Variants in SLC25A40 observed in about 807,000 individuals in gnomAD.
The protein encoded by SLC25A40 is mitochondrial glutathione transporter SLC25A40.
SLC25A40 carries 41 observed loss-of-function variants against 46.5 expected under a neutral mutation model. The observed-to-expected ratio is 0.88, with a 90% confidence interval of 0.69 to 1.14. The LOEUF (loss-of-function observed/expected upper bound fraction) is 1.14. Ranked by LOEUF, SLC25A40 falls within the 50% of genes most tolerant of loss-of-function variation. The probability of loss-of-function intolerance (pLI) is 0.00; values close to 1 mark genes in which losing one functional copy is unlikely to be tolerated. For synonymous variants in SLC25A40, 126 were observed against 127.5 expected, an observed-to-expected ratio of 0.99 and a Z score of 0.08; for missense variants, 386 against 393.6, an observed-to-expected ratio of 0.98 and a Z score of 0.16.
rs1460264323 is a variant in SLC25A40, at chr7:87,872,553, A to G, written c.-94+3543T>C. On this transcript the variant is annotated intron_variant, in intron 1 of 11. Coordinates refer to ENST00000341119, the MANE Select transcript of SLC25A40 (RefSeq NM_018843.4). The stretch of plus-strand genomic sequence containing the variant: ...CTGAAAGGCTTGAGCAAGCCTTTCA[A>G]TCCTTTTCAATGAAAGGGAAATTCC... Among the ~76,000 whole-genome samples the G allele has an allele frequency of 2.0e-5, 3 of 152,226 alleles. No individual in the cohort carries two copies. In the East Asian group the frequency reaches 5.8e-4, roughly 29 times the overall value.
At chr7:87,873,303 T>C (rs980930472) in intron 1 of SLC25A40, among the ~76,000 whole-genome samples, 2 of 152,154 alleles carry the variant, frequency 1.3e-5, no homozygotes, top group African/African-American at 4.8e-5. Context: ...AAAATTTATA[T>C]TTGGGTATGT....
chr7:87,838,866 A>G (rs1364237560), intron 10 of SLC25A40, among the ~76,000 whole-genome samples: 1 of 151,656 alleles, frequency 6.6e-6, no homozygotes, highest in Non-Finnish European at 1.5e-5. Context: ...TAGGTTGGTA[A>G]GTGTAGCTAT....
At chr7:87,848,874 A>T (rs1331100503) in intron 6 of SLC25A40, among the ~76,000 whole-genome samples, 2 of 152,174 alleles carry the variant, frequency 1.3e-5, no homozygotes, top group Non-Finnish European at 2.9e-5. Context: ...AGCAGGACTG[A>T]CTGGTGGGGT....
intron 3 of SLC25A40, among the ~76,000 whole-genome samples, chr7:87,856,941 AATG>A (rs1217135080): frequency 9.9e-5 from 15 of 152,000 alleles, no homozygotes; most frequent in East Asian, 3.8e-4. Flanking sequence ...TCATCTTGAG[AATG>A]ATGATAATTA....
At chr7:87,841,881 T>A in intron 9 of SLC25A40, 167 bp from the exon 10 acceptor site, 1 of 354,576 alleles carries the variant, frequency 2.8e-6, no homozygotes, top group Non-Finnish European at 5.0e-6. Flanking sequence ...CAAATAGATA[T>A]GTATTTCTCA....
intron 10 of SLC25A40, among the ~76,000 whole-genome samples, chr7:87,837,622 A>G (rs559343752): frequency 1.3e-5 from 2 of 151,594 alleles, no homozygotes; most frequent in East Asian, 3.9e-4. Context: ...AAGCTTATGA[A>G]TATAATGTTT....
In SLC25A40 at chr7:87,876,183, G is replaced by A. The variant is rs1028407842; in HGVS notation, c.-181C>T. ...TGGTGACGGGCGGGGCCGGGCTCCG[G>A]CGCTAACTGCATCCACTAGGTTTGG... On this transcript the variant is annotated 5_prime_UTR_variant, in exon 1 of 12. Coordinates refer to ENST00000341119, the MANE Select transcript of SLC25A40 (RefSeq NM_018843.4). The A allele has an allele frequency of 1.3e-5, 2 of 153,046 alleles. No homozygotes were observed. The highest frequency in any genetic ancestry group is 4.8e-5 in the African/African-American group (2 of 41,508). 9.5% of individuals were successfully genotyped at this position (153,046 alleles called of 1,614,324 possible). A position where few individuals can be genotyped will look rare whatever the true frequency, so the allele number is the denominator to read the frequency against.
At chr7:87,839,191 G>A (rs1330866509) in intron 10 of SLC25A40, among the ~76,000 whole-genome samples, 2 of 151,400 alleles carry the variant, frequency 1.3e-5, no homozygotes, top group East Asian at 3.9e-4. Context: ...TATATAAAAT[G>A]TTCTCTCACT....
intron 1 of SLC25A40, among the ~76,000 whole-genome samples, chr7:87,862,820 G>C (rs1167593837): frequency 1.3e-5 from 2 of 152,182 alleles, no homozygotes; most frequent in Non-Finnish European, 2.9e-5. Context: ...CATGGCAGCA[G>C]AGAAGAGAAC....
At position 87,843,828 on chromosome 7, in the gene SLC25A40, A is replaced by T. The variant is rs140104130; in HGVS notation, c.667T>A (p.Trp223Arg). Reference sequence around the variant, plus strand: ...TATAAACCAGATTTCTCACATAACCACTTCTTTAAAATTTCATAGTTATAC... The same window carrying T: ...TATAAACCAGATTTCTCACATAACCTCTTCTTTAAAATTTCATAGTTATAC... ...YWYNYEILKK[W>R]LCEKSGLYEP... Residue 223 changes from tryptophan to arginine, a missense_variant, in exon 9 of 12, where the codon TGG becomes AGG. Trp to Arg is a moderately radical substitution (Grantham distance 101). Transcript: ENST00000341119. The T allele has an allele frequency of 8.2e-5, 132 of 1,610,030 alleles. No homozygotes were observed. Among genetic ancestry groups the T allele is most frequent in the Middle Eastern group, 5.0e-4 (3 of 6,040 alleles).
chr7:87,843,725 G>C (rs973280890), intron 9 of SLC25A40, 29 bp downstream of exon 9: 1 of 1,492,478 alleles, frequency 6.7e-7, no homozygotes, highest in Non-Finnish European at 9.3e-7. Flanking sequence ...TATTCTTCTG[G>C]AATATTAACA....
Position 87,836,188 on chromosome 7 carries a change from C to A in SLC25A40, c.*61G>T. The stretch of plus-strand genomic sequence containing the variant: ...TGAGAGAATAATGGTGAAAAACATT[C>A]TTGCCTAAGAGTCTCCATCTTCTTT... On this transcript the variant is annotated 3_prime_UTR_variant, in exon 12 of 12. Coordinates refer to ENST00000341119, the MANE Select transcript of SLC25A40 (RefSeq NM_018843.4). 1 of 961,178 alleles carries A rather than the reference C, an allele frequency of 1.0e-6. No homozygotes were observed. Among genetic ancestry groups the A allele is most frequent in the South Asian group, 1.6e-5 (1 of 62,320 alleles). The allele number at this position is 961,178 out of a possible 1,614,324, so 59.5% of individuals were successfully genotyped here.
rs771892147 is a variant in SLC25A40, at chr7:87,833,943, A to T, written c.*2306T>A. ...CCTAGAAAAAAAAATATTGCCTTTT[A>T]AAAAAAATCAAATATGTACTACTTT... On this transcript the variant is annotated 3_prime_UTR_variant, in exon 12 of 12. Coordinates refer to ENST00000341119, the MANE Select transcript of SLC25A40 (RefSeq NM_018843.4). 8 of 151,782 alleles carry T rather than the reference A, an allele frequency of 5.3e-5. No homozygotes were observed. Among genetic ancestry groups the T allele is most frequent in the South Asian group, 2.1e-4 (1 of 4,822 alleles). The allele number at this position is 151,782 out of a possible 1,614,324, so 9.4% of individuals were successfully genotyped here.
In SLC25A40 at chr7:87,834,338, AATT is replaced by A. The variant is rs1838231128; in HGVS notation, c.*1908_*1910del. The A allele has an allele frequency of 1.3e-5, 2 of 151,716 alleles. No homozygotes were observed. The highest frequency in any genetic ancestry group is 6.6e-5 in the Admixed American group (1 of 15,170). 9.4% of individuals were successfully genotyped at this position (151,716 alleles called of 1,614,324 possible). A position where few individuals can be genotyped will look rare whatever the true frequency, so the allele number is the denominator to read the frequency against. ...TTTTTCTAGGTACTATTTTAATACA[AATT>A]ATTATTATAGCAAAATTCTGAACAC... On this transcript the variant is annotated 3_prime_UTR_variant, in exon 12 of 12. Coordinates refer to ENST00000341119, the MANE Select transcript of SLC25A40 (RefSeq NM_018843.4).
intron 7 of SLC25A40, 144 bp downstream of exon 7, chr7:87,847,704 CCTATA>C (rs1170469283): frequency 6.0e-5 from 42 of 704,980 alleles, no homozygotes; most frequent in South Asian, 1.2e-4. Context: ...TTCTGGAGTA[CCTATA>C]CTATATTAAC....
At chr7:87,857,649 C>T (rs1838634917) in intron 3 of SLC25A40, among the ~76,000 whole-genome samples, 2 of 152,208 alleles carry the variant, frequency 1.3e-5, no homozygotes, top group Non-Finnish European at 2.9e-5. Context: ...CCCTGTCTTA[C>T]TTTAATCTCT....
Position 87,858,630 on chromosome 7 carries a change from C to G in SLC25A40, c.97+1G>C, listed in dbSNP as rs1838650301. The G allele has an allele frequency of 6.6e-7, 1 of 1,510,496 alleles. No homozygotes were observed. Among genetic ancestry groups the G allele is most frequent in the Non-Finnish European group, 9.2e-7 (1 of 1,085,892 alleles). 93.6% of individuals were successfully genotyped at this position (1,510,496 alleles called of 1,614,324 possible). A position where few individuals can be genotyped will look rare whatever the true frequency, so the allele number is the denominator to read the frequency against. On this transcript the variant is annotated splice_donor_variant, in intron 3 of 11. Transcript: ENST00000341119. LOFTEE classifies it high-confidence loss of function. ...AATCTACATCAGTAACATAATTTTACCTATTACTGATGTCAGTATAGCTCC... is the reference window on the plus strand; with the variant it reads ...AATCTACATCAGTAACATAATTTTAGCTATTACTGATGTCAGTATAGCTCC...
intron 4 of SLC25A40, 51 bp from the exon 5 acceptor site, chr7:87,854,361 AT>A: frequency 9.5e-7 from 1 of 1,047,660 alleles, no homozygotes; most frequent in Non-Finnish European, 1.4e-6. Context: ...AACTGTTATT[AT>A]TTTTACAGAT....
At position 87,858,782 on chromosome 7, in the gene SLC25A40, C is replaced by T. The variant is rs1838652317; in HGVS notation, c.-24-31G>A. The T allele has an allele frequency of 1.2e-5, 15 of 1,203,256 alleles. No individual in the cohort carries two copies. In the East Asian group the frequency reaches 3.4e-4, roughly 27 times the overall value. 74.5% of individuals were successfully genotyped at this position (1,203,256 alleles called of 1,614,324 possible). ...AAAAAGAAAACATAAAATTAGAGCA[C>T]ATCCTCTGATCTTTCAAAAATGATA... On this transcript the variant is annotated intron_variant, in intron 2 of 11. Transcript: ENST00000341119.
Sources: gnomAD v4.1 joint callset for allele counts (sites outside exome capture counted in the v4.1 genomes callset) on GRCh38, gnomAD v4.1.1 for gene constraint, MANE v1.5 for transcripts, NCBI Gene and HGNC (gene_info 2026-07-23, HGNC 2026-07-21) for gene names.